MAP7D2: variants seen among roughly 807,000 people sequenced by gnomAD.
MAP7D2 encodes MAP7 domain-containing protein 2.
A neutral mutation model predicts 63.5 loss-of-function variants in MAP7D2; 33 were observed. The observed-to-expected ratio is 0.52, with a 90% confidence interval of 0.39 to 0.70. MAP7D2 has a LOEUF of 0.70. Among genes scored for constraint, MAP7D2 ranks in the 30% least tolerant of loss-of-function variants. The pLI, the probability that MAP7D2 is intolerant of heterozygous loss-of-function variation, is 0.00. For missense variants in MAP7D2, 626 were observed against 604.0 expected, an observed-to-expected ratio of 1.04 and a Z score of -0.38; for synonymous variants, 224 against 223.7, an observed-to-expected ratio of 1.00 and a Z score of -0.01.
At chrX:20,096,484 A>G (rs1202165537) in intron 1 of MAP7D2, among the ~76,000 whole-genome samples, 1 of 109,197 alleles carries the variant, frequency 9.2e-6, no homozygotes, top group Non-Finnish European at 1.9e-5. Flanking sequence ...CTACTTATAC[A>G]TACAACACGA....
At chrX:20,113,093 A>G (rs1345578516) in intron 1 of MAP7D2, among the ~76,000 whole-genome samples, 1 of 111,347 alleles carries the variant, frequency 9.0e-6, no homozygotes, top group Admixed American at 9.6e-5. Context: ...GTTTGTCCTG[A>G]AGGTCCTGCT....
At chrX:20,052,478 C>A in intron 5 of MAP7D2, 1 of 240,781 alleles carries the variant, frequency 4.2e-6, no homozygotes, top group Non-Finnish European at 7.8e-6. Flanking sequence ...TCTAAGCCTC[C>A]CATATAACTA....
chrX:20,083,221 G>A (rs930642499), intron 1 of MAP7D2, among the ~76,000 whole-genome samples: 9 of 112,363 alleles, frequency 8.0e-5, no homozygotes, highest in African/African-American at 9.7e-5. Flanking sequence ...AAGGTAAACC[G>A]TGGAACTGAA....
At chrX:20,028,199 G>A (rs769803502) in intron 8 of MAP7D2, among the ~76,000 whole-genome samples, 2 of 111,781 alleles carry the variant, frequency 1.8e-5, no homozygotes, top group Non-Finnish European at 3.8e-5. Flanking sequence ...TAGGCTTAGA[G>A]AGGTGAAATG....
chrX:20,026,142 G>C (rs771211143), intron 8 of MAP7D2, among the ~76,000 whole-genome samples, 190 bp from the exon 9 acceptor site: 1 of 110,896 alleles, frequency 9.0e-6, no homozygotes, highest in Non-Finnish European at 1.9e-5. Context: ...TCTCTAAGAC[G>C]GCCCTGGTGG....
At chrX:20,102,704 G>A (rs1359274971) in intron 1 of MAP7D2, among the ~76,000 whole-genome samples, 1 of 102,791 alleles carries the variant, frequency 9.7e-6, no homozygotes, top group African/African-American at 3.5e-5. Context: ...CTGACCCAAA[G>A]CACTGGCCAT....
chrX:20,100,980 C>T (rs752907090), intron 1 of MAP7D2, among the ~76,000 whole-genome samples: 1 of 105,639 alleles, frequency 9.5e-6, no homozygotes, highest in Non-Finnish European at 1.9e-5. Context: ...GAGATCGCAC[C>T]ACTGCACTCC....
intron 1 of MAP7D2, among the ~76,000 whole-genome samples, chrX:20,084,926 T>C (rs928441540): frequency 1.8e-5 from 2 of 111,332 alleles, no homozygotes; most frequent in Admixed American, 1.9e-4. Flanking sequence ...TTAATTATTA[T>C]GGAATAAACT....
chrX:20,036,896 T>G (rs1448079121), intron 8 of MAP7D2, among the ~76,000 whole-genome samples: 1 of 63,725 alleles, frequency 1.6e-5, no homozygotes, highest in Non-Finnish European at 2.6e-5. Context: ...AGTGTGAGAC[T>G]CCATCTCAAA....
chrX:20,049,926 C>CTAATGAT (rs2064902361), intron 6 of MAP7D2: 1 of 294,447 alleles, frequency 3.4e-6, no homozygotes, highest in Non-Finnish European at 6.5e-6. Context: ...TTGCATTTCC[C>CTAATGAT]TAATGATTAA....
At chrX:20,045,957 T>C (rs939424420) in intron 6 of MAP7D2, among the ~76,000 whole-genome samples, 1 of 112,076 alleles carries the variant, frequency 8.9e-6, no homozygotes. Flanking sequence ...GTGATGCCTT[T>C]GGTTTTTGTT....
chrX:20,091,052 CTTTTTTT>C (rs1280083347), intron 1 of MAP7D2, among the ~76,000 whole-genome samples: 3 of 91,973 alleles, frequency 3.3e-5, no homozygotes, highest in African/African-American at 7.9e-5. Flanking sequence ...GTGGAACACT[CTTTTTTT>C]TTTTTTTTTG....
intron 4 of MAP7D2, among the ~76,000 whole-genome samples, chrX:20,055,076 CTT>C (rs34507328): frequency 8.7e-5 from 9 of 103,336 alleles, no homozygotes; most frequent in Admixed American, 2.1e-4. Flanking sequence ...CCTTTTACAG[CTT>C]TTTTTTTTTT....
chrX:20,092,592 G>C (rs956176873), intron 1 of MAP7D2, among the ~76,000 whole-genome samples: 4 of 112,024 alleles, frequency 3.6e-5, no homozygotes, highest in Non-Finnish European at 7.5e-5. Context: ...TATTTTGCCA[G>C]GATGGTATAT....
At chrX:20,010,631 G>GT (rs2073165997) in intron 16 of MAP7D2, 146 bp downstream of exon 16, 2 of 452,518 alleles carry the variant, frequency 4.4e-6, no homozygotes, top group Admixed American at 4.4e-5. Flanking sequence ...CTCAATTCTT[G>GT]TGTGTGTTGT....
At chrX:20,036,501 C>G (rs1430295455) in intron 8 of MAP7D2, among the ~76,000 whole-genome samples, 1 of 107,118 alleles carries the variant, frequency 9.3e-6, no homozygotes, top group African/African-American at 3.4e-5. Flanking sequence ...CTTGGCCTCT[C>G]AAAGTGCTGG....
chrX:20,094,520 A>ATATATATATATATATATATG (rs2066176106), intron 1 of MAP7D2, among the ~76,000 whole-genome samples: 1 of 10,073 alleles, frequency 9.9e-5, no homozygotes. Context: ...ATATATGTAT[A>ATATATATATATATATATATG]TATATATATA....
At chrX:20,021,793 G>T (rs2073656107) in intron 10 of MAP7D2, among the ~76,000 whole-genome samples, 1 of 111,956 alleles carries the variant, frequency 8.9e-6, no homozygotes, top group Non-Finnish European at 1.9e-5. Flanking sequence ...CTTCAAATCT[G>T]CCCATTTCTT....
chrX:20,045,527 GAAAAAAAAA>G (rs1170223479), intron 6 of MAP7D2, among the ~76,000 whole-genome samples: 4 of 18,014 alleles, frequency 2.2e-4, no homozygotes, highest in Non-Finnish European at 3.7e-4. Flanking sequence ...ACCCCATCTC[GAAAAAAAAA>G]AAAAAAAAAA....
Sources: allele counts gnomAD v4.1 joint callset (sites outside exome capture counted in the v4.1 genomes callset), GRCh38; gene constraint gnomAD v4.1.1; transcripts MANE v1.5; gene names NCBI Gene and HGNC (gene_info 2026-07-23, HGNC 2026-07-21).